Variants in OTOGL observed in about 807,000 individuals in gnomAD.
The protein encoded by OTOGL is otogelin like, also known as otogelin-like protein.
Under a neutral mutation model 318.5 loss-of-function variants are expected in OTOGL, and 285 were observed. That is an observed-to-expected ratio of 0.89 (90% CI 0.81 to 0.99). The LOEUF (loss-of-function observed/expected upper bound fraction) is 0.99. Ranked by LOEUF, OTOGL falls within the 50% of genes least tolerant of loss-of-function variation. OTOGL has a pLI of 0.00. For synonymous variants in OTOGL, 987 were observed against 936.5 expected (o/e 1.05, Z -0.99); for missense variants, 2,899 against 2,845.6 (o/e 1.02, Z -0.43).
intron 20 of OTOGL, chr12:80,266,211 C>A: frequency 2.1e-6 from 1 of 486,232 alleles, no homozygotes; most frequent in African/African-American, 1.9e-5. Flanking sequence ...AAAATATTTA[C>A]CATTTGCGAA....
At chr12:80,355,651 G>A in intron 46 of OTOGL, 85 bp from the exon 47 acceptor site, 1 of 1,078,594 alleles carries the variant, frequency 9.3e-7, no homozygotes, top group East Asian at 2.6e-5. Context: ...ACTGGGCCAT[G>A]TCACAGTCTG....
chr12:80,134,390 A>T (rs1331517627), intron 1 of OTOGL, among the ~76,000 whole-genome samples: 1 of 152,210 alleles, frequency 6.6e-6, no homozygotes, highest in Non-Finnish European at 1.5e-5. Flanking sequence ...GACTTCTATA[A>T]CACCCACAAA....
chr12:80,308,176 GGCTGCCGGGCGGAGACA>G (rs1886350862), intron 29 of OTOGL, among the ~76,000 whole-genome samples: 1 of 150,622 alleles, frequency 6.6e-6, no homozygotes, highest in Non-Finnish European at 1.5e-5. Flanking sequence ...CGGACGAGGT[GGCTGCCGGGCGGAGACA>G]CTCCTCACTT....
intron 1 of OTOGL, among the ~76,000 whole-genome samples, chr12:80,175,663 C>A (rs1030169013): frequency 6.6e-6 from 1 of 152,060 alleles, no homozygotes; most frequent in Non-Finnish European, 1.5e-5. Context: ...TCCCCAGTAA[C>A]CTGTGTCAGA....
rs1890027468 is a variant in OTOGL at position 80,358,260 on chromosome 12, G to A, written c.6032G>A (p.Cys2011Tyr). ...CFSPFCVCESCTKPVPLCHDG... is the reference protein window; with the variant it reads ...CFSPFCVCESYTKPVPLCHDG... ...TGTTTTACCTTAGTTTGTGAATCTT[G>A]CACCAAACCTGTTCCACTATGTCAT... is the stretch of plus-strand genomic sequence containing the variant. The change falls in exon 50 of 59, where the codon TGC (cysteine) becomes TAC (tyrosine). Residue 2011 changes from cysteine to tyrosine, a missense_variant. Cys to Tyr is a radical substitution (Grantham distance 194). This residue lies in a region of OTOGL where 2,607 missense variants were observed against 2,524.9 expected (regional missense o/e 1.03). Transcript: ENST00000547103. The A allele has an allele frequency of 6.2e-7, 1 of 1,610,332 alleles. No individual in the cohort carries two copies.
chr12:80,222,483 G>T (rs1243319604), intron 7 of OTOGL, among the ~76,000 whole-genome samples: 1 of 152,138 alleles, frequency 6.6e-6, no homozygotes, highest in African/African-American at 2.4e-5. Flanking sequence ...GTATGAACCA[G>T]AGGCTAACAT....
intron 26 of OTOGL, among the ~76,000 whole-genome samples, chr12:80,295,360 A>G (rs987943927): frequency 1.3e-5 from 2 of 151,946 alleles, no homozygotes; most frequent in African/African-American, 4.8e-5. Flanking sequence ...CATTTTTAGT[A>G]GAGACTGGGT....
chr12:80,179,436 A>G (rs1039537893), intron 1 of OTOGL, among the ~76,000 whole-genome samples: 1 of 152,174 alleles, frequency 6.6e-6, no homozygotes. Context: ...AACTTCTTAA[A>G]TACCTTTTAA....
chr12:80,244,085 G>A (rs907268944), intron 11 of OTOGL, among the ~76,000 whole-genome samples: 10 of 151,252 alleles, frequency 6.6e-5, no homozygotes, highest in Admixed American at 2.6e-4. Flanking sequence ...TCATTCCTGT[G>A]CAGTTTCTCC....
chr12:80,198,386 A>G (rs950084602), intron 1 of OTOGL, among the ~76,000 whole-genome samples: 30 of 152,100 alleles, frequency 2.0e-4, no homozygotes, highest in Admixed American at 1.3e-4. Context: ...GGAGATTGAG[A>G]CCATCCTGGC....
Position 80,320,580 on chromosome 12 carries a change from A to G in OTOGL, c.3961A>G (p.Ser1321Gly). Residue 1321 changes from serine to glycine, a missense_variant, in exon 34 of 59, where the codon AGT (serine) becomes GGT (glycine). Physicochemically the swap from Ser to Gly is moderately conservative, Grantham distance 56 (BLOSUM62 0). Around this residue, in one of 3 missense-constraint regions of OTOGL, gnomAD observed 2,607 missense variants for 2,524.9 expected, o/e 1.03. Transcript: ENST00000547103. ...HHQGLWIPGY[S>G]AFELYSKKGF... is the part of the protein sequence containing the mutation. ...TCAGGGCCTCTGGATTCCTGGTTAC[A>G]GTGCATTTGAGTTATACAGCAAGAA... is the stretch of plus-strand genomic sequence containing the variant. 1 of 1,613,306 alleles carries G rather than the reference A, an allele frequency of 6.2e-7. No homozygotes were observed. The highest frequency in any genetic ancestry group is 8.5e-7 in the Non-Finnish European group (1 of 1,179,584).
At chr12:80,292,005 T>A (rs993775622) in intron 26 of OTOGL, among the ~76,000 whole-genome samples, 2 of 152,162 alleles carry the variant, frequency 1.3e-5, no homozygotes, top group Non-Finnish European at 2.9e-5. Flanking sequence ...TTTGTTTTTT[T>A]GAGATGGAGT....
intron 35 of OTOGL, among the ~76,000 whole-genome samples, chr12:80,327,407 G>A (rs1887744372): frequency 6.6e-6 from 1 of 152,038 alleles, no homozygotes; most frequent in Admixed American, 6.6e-5. Context: ...GTCCTTCCAG[G>A]GCACTGCCCC....
chr12:80,110,790 A>G lies in OTOGL; in HGVS notation c.-20+11185A>G, dbSNP rs541390034. Among the ~76,000 whole-genome samples the G allele has an allele frequency of 2.0e-4, 31 of 152,298 alleles. No individual in the cohort carries two copies. In the South Asian group the frequency reaches 2.5e-3, roughly 12 times the overall value. On this transcript the variant is annotated intron_variant, in intron 1 of 58. Coordinates refer to ENST00000547103, the MANE Select transcript of OTOGL (RefSeq NM_001378609.3). Reference sequence around the variant, plus strand: ...CCCAGTAATGGGATTGCTGGGTCAAATGGTATTTCTAGTTCTAGATCTTTG... The same window carrying G: ...CCCAGTAATGGGATTGCTGGGTCAAGTGGTATTTCTAGTTCTAGATCTTTG...
intron 28 of OTOGL, among the ~76,000 whole-genome samples, chr12:80,303,793 C>A (rs1007460669): frequency 6.6e-6 from 1 of 152,176 alleles, no homozygotes; most frequent in Admixed American, 6.5e-5. Context: ...GGAGAAACCA[C>A]CCCCATGATC....
chr12:80,244,305 T>C (rs1311142861), intron 11 of OTOGL, among the ~76,000 whole-genome samples: 1 of 141,146 alleles, frequency 7.1e-6, no homozygotes, highest in African/African-American at 2.6e-5. Flanking sequence ...TATCTCCCAA[T>C]GCTATCCCTC....
At chr12:80,307,409 C>T (rs1280845339) in intron 29 of OTOGL, among the ~76,000 whole-genome samples, 4 of 150,484 alleles carry the variant, frequency 2.7e-5, no homozygotes, top group Non-Finnish European at 5.9e-5. Flanking sequence ...CCTCACCTCC[C>T]GGACGGGGCG....
At chr12:80,308,799 C>T (rs1306660375) in intron 29 of OTOGL, among the ~76,000 whole-genome samples, 1 of 152,194 alleles carries the variant, frequency 6.6e-6, no homozygotes, top group Non-Finnish European at 1.5e-5. Context: ...TCCCCGTCTC[C>T]ACCAAAAAAA....
chr12:80,110,969 G>T (rs956953673), intron 1 of OTOGL, among the ~76,000 whole-genome samples: 1 of 152,156 alleles, frequency 6.6e-6, no homozygotes. Context: ...ATATCTCATT[G>T]TGGTTTTAAT....
Sources: gnomAD v4.1 joint callset for allele counts (sites outside exome capture counted in the v4.1 genomes callset) on GRCh38, gnomAD v4.1.1 for gene constraint, gnomAD v4.1.1 regional missense constraint, MANE v1.5 for transcripts, NCBI Gene and HGNC (gene_info 2026-07-23, HGNC 2026-07-21) for gene names.